Variants in KLF8 observed in about 807,000 individuals in gnomAD.
KLF8 encodes the protein Krueppel-like factor 8.
KLF8 carries 10 observed loss-of-function variants against 18.2 expected under a neutral mutation model. That is an observed-to-expected ratio of 0.55 (90% CI 0.34 to 0.93). KLF8 has a LOEUF of 0.93. Among genes scored for constraint, KLF8 ranks in the 40% least tolerant of loss-of-function variants. The probability of loss-of-function intolerance (pLI) is 0.02; values close to 1 mark genes in which losing one functional copy is unlikely to be tolerated. For missense variants in KLF8, 264 were observed against 277.9 expected, an observed-to-expected ratio of 0.95 and a Z score of 0.36; for synonymous variants, 109 against 97.3, an observed-to-expected ratio of 1.12 and a Z score of -0.71.
chrX:56,198,486 C>T, the KLF8 span, among the ~76,000 whole-genome samples: 2 of 111,928 alleles, frequency 1.8e-5, no homozygotes, highest in South Asian at 3.7e-4. Context: ...CTCCCTTTCA[C>T]AATTGCTACA....
the KLF8 span, among the ~76,000 whole-genome samples, chrX:56,044,749 C>T: frequency 8.9e-6 from 1 of 112,140 alleles, no homozygotes; most frequent in Non-Finnish European, 1.9e-5. Flanking sequence ...GACTCCAACC[C>T]ATTGCCATTG....
At position 56,291,241 on chromosome X, in the gene KLF8, T is replaced by A. The variant is rs1222873632; in HGVS notation, c.*6747T>A. On this transcript the variant is annotated 3_prime_UTR_variant, in exon 6 of 6. Coordinates refer to ENST00000468660, the MANE Select transcript of KLF8 (RefSeq NM_007250.5). ...CTCTTATGTTTGTGCCCCATTATTTTAGTGCTTTAGAGCAACACCTTGTTT... is the reference window on the plus strand; with the variant it reads ...CTCTTATGTTTGTGCCCCATTATTTAAGTGCTTTAGAGCAACACCTTGTTT... Among the ~76,000 whole-genome samples the A allele has an allele frequency of 8.9e-6, 1 of 112,119 alleles. No homozygotes were observed. Among genetic ancestry groups the A allele is most frequent in the Non-Finnish European group, 1.9e-5 (1 of 53,205 alleles).
At chrX:55,941,145 C>G in the KLF8 span, among the ~76,000 whole-genome samples, 1 of 112,105 alleles carries the variant, frequency 8.9e-6, no homozygotes, top group Non-Finnish European at 1.9e-5. Context: ...GTAACCAAAA[C>G]AGCATGGTAT....
At chrX:56,264,258 G>GT (rs758358647) in intron 2 of KLF8, among the ~76,000 whole-genome samples, 1 of 109,602 alleles carries the variant, frequency 9.1e-6, no homozygotes, top group South Asian at 3.8e-4. Context: ...TCATTTATTA[G>GT]TTTTTTAAAA....
At chrX:56,014,733 C>T in the KLF8 span, 1 of 110,628 alleles carries the variant, frequency 9.0e-6, no homozygotes, top group South Asian at 3.9e-4. Context: ...AACACACACG[C>T]CCATCAGTGA....
At chrX:56,097,993 A>G in the KLF8 span, among the ~76,000 whole-genome samples, 1 of 110,802 alleles carries the variant, frequency 9.0e-6, no homozygotes, top group Non-Finnish European at 1.9e-5. Flanking sequence ...ATAGGGCTTA[A>G]TAGGAGGTGT....
the KLF8 span, among the ~76,000 whole-genome samples, chrX:56,024,516 G>A: frequency 3.6e-5 from 4 of 111,539 alleles, no homozygotes; most frequent in Admixed American, 9.5e-5. Flanking sequence ...TGAAGGAAGT[G>A]GCTTTAATCA....
At chrX:56,065,705 G>GT in the KLF8 span, among the ~76,000 whole-genome samples, 5 of 111,016 alleles carry the variant, frequency 4.5e-5, no homozygotes, top group African/African-American at 1.6e-4. Context: ...ACAAAGATGG[G>GT]TTTTTTTTAA....
At position 56,290,227 on chromosome X, in the gene KLF8, G is replaced by A. The variant is rs370378039; in HGVS notation, c.*5733G>A. Among the ~76,000 whole-genome samples, 2 of 111,364 alleles carry A rather than the reference G, an allele frequency of 1.8e-5. No homozygotes were observed. Among genetic ancestry groups the A allele is most frequent in the Non-Finnish European group, 3.8e-5 (2 of 53,035 alleles). Reference sequence around the variant, plus strand: ...CTCAATTAATCCATTTGCAAAATGGGGATCTCAATATCTACCTCACAGGAA... The same window carrying A: ...CTCAATTAATCCATTTGCAAAATGGAGATCTCAATATCTACCTCACAGGAA... On this transcript the variant is annotated 3_prime_UTR_variant, in exon 6 of 6. Transcript: ENST00000468660.
chrX:56,037,327 T>C, the KLF8 span, among the ~76,000 whole-genome samples: 1 of 111,288 alleles, frequency 9.0e-6, no homozygotes, highest in Non-Finnish European at 1.9e-5. Context: ...TAATATTTTG[T>C]TCAGGAATTT....
At chrX:56,103,532 G>T in the KLF8 span, among the ~76,000 whole-genome samples, 1 of 111,300 alleles carries the variant, frequency 9.0e-6, no homozygotes, top group Non-Finnish European at 1.9e-5. Context: ...TGGTGTATAG[G>T]AATGCTTGTG....
Position 56,290,167 on chromosome X carries a change from G to A in KLF8, c.*5673G>A, listed in dbSNP as rs750248087. ...TCTGTATTTTCCCAGATCTCACTTG[G>A]TTGACCTTAGGCAAGTCATATCACC... On this transcript the variant is annotated 3_prime_UTR_variant, in exon 6 of 6. Transcript: ENST00000468660. Among the ~76,000 whole-genome samples, 17 of 111,617 alleles carry A rather than the reference G, an allele frequency of 1.5e-4. No individual in the cohort carries two copies. Among genetic ancestry groups the A allele is most frequent in the Non-Finnish European group, 1.5e-4 (8 of 53,077 alleles).
At chrX:56,026,499 A>G in the KLF8 span, among the ~76,000 whole-genome samples, 2 of 111,711 alleles carry the variant, frequency 1.8e-5, no homozygotes, top group African/African-American at 6.5e-5. Context: ...GGTGCACCTA[A>G]TTTTAAACAA....
At chrX:56,082,082 A>G in the KLF8 span, among the ~76,000 whole-genome samples, 2 of 111,507 alleles carry the variant, frequency 1.8e-5, no homozygotes, top group Non-Finnish European at 3.8e-5. Flanking sequence ...ATTTGGTCCT[A>G]GACTGTTCTC....
At chrX:56,067,995 CA>C in the KLF8 span, among the ~76,000 whole-genome samples, 1 of 112,208 alleles carries the variant, frequency 8.9e-6, no homozygotes, top group African/African-American at 3.2e-5. Flanking sequence ...CTATTTCACC[CA>C]CCTTGCCAAT....
chrX:56,150,965 T>A, the KLF8 span, among the ~76,000 whole-genome samples: 1 of 111,823 alleles, frequency 8.9e-6, no homozygotes, highest in South Asian at 3.7e-4. Context: ...CAGAGAAGGC[T>A]TGACTTCTAA....
the KLF8 span, among the ~76,000 whole-genome samples, chrX:56,161,321 C>T: frequency 9.0e-6 from 1 of 111,583 alleles, no homozygotes; most frequent in African/African-American, 3.3e-5. Context: ...GCCTGCCTTG[C>T]TAAATTGCGG....
chrX:55,913,511 TCA>T, the KLF8 span, among the ~76,000 whole-genome samples: 2 of 111,326 alleles, frequency 1.8e-5, no homozygotes, highest in African/African-American at 6.5e-5. Flanking sequence ...AAAGACAGAC[TCA>T]CACATTGGGA....
Position 56,287,254 on chromosome X carries a change from C to G in KLF8, c.*2760C>G. On this transcript the variant is annotated 3_prime_UTR_variant, in exon 6 of 6. Coordinates refer to ENST00000468660, the MANE Select transcript of KLF8 (RefSeq NM_007250.5). The stretch of plus-strand genomic sequence containing the variant: ...CAATTTTAAGCCTATTCTCATTTCC[C>G]TCTCCCCTACAAAAAATGATAAAAG... 9.0e-6 allele frequency: 1 copy of G among 111,549 alleles called. No homozygotes were observed. The highest frequency in any genetic ancestry group is 2.8e-4 in the East Asian group (1 of 3,573). The allele number at this position is 111,549 out of a possible 1,213,427, so 9.2% of individuals were successfully genotyped here.
Sources: allele counts gnomAD v4.1 joint callset (sites outside exome capture counted in the v4.1 genomes callset), GRCh38; gene constraint gnomAD v4.1.1; transcripts MANE v1.5; gene names NCBI Gene and HGNC (gene_info 2026-07-23, HGNC 2026-07-21).